GPM6A: variants seen among roughly 807,000 people sequenced by gnomAD.
The protein encoded by GPM6A is glycoprotein M6A, also known as neuronal membrane glycoprotein M6-a.
A neutral mutation model predicts 32.1 loss-of-function variants in GPM6A; 7 were observed. The ratio of observed to expected loss-of-function variants is 0.22; its 90% CI spans 0.12 to 0.41. GPM6A has a LOEUF of 0.41. Among genes scored for constraint, GPM6A ranks in the 10% least tolerant of loss-of-function variants. The probability of loss-of-function intolerance (pLI) is 1.00; values close to 1 mark genes in which losing one functional copy is unlikely to be tolerated. For synonymous variants in GPM6A, 130 were observed against 123.4 expected (o/e 1.05, Z -0.35); for missense variants, 235 against 347.2 (o/e 0.68, Z 2.57).
intron 1 of GPM6A, among the ~76,000 whole-genome samples, chr4:175,737,866 AG>A (rs1204126337): frequency 3.9e-5 from 6 of 151,978 alleles, no homozygotes; most frequent in African/African-American, 1.4e-4. Flanking sequence ...AATTACTTGG[AG>A]AGGGCACCAA....
rs151283064 is a variant in GPM6A, at chr4:175,777,153, G to T, written c.37+35038C>A. Among the ~76,000 whole-genome samples the T allele has an allele frequency of 3.4e-4, 52 of 152,228 alleles. No homozygotes were observed. The East Asian group carries it at 9.3e-3, about 27-fold the overall frequency. On this transcript the variant is annotated intron_variant, in intron 1 of 6. Coordinates refer to ENST00000393658, the MANE Select transcript of GPM6A (RefSeq NM_201591.3). ...TGAGGTATACTGTTGTTATGCAAACGTACATAGGCTTTGGAGGAGAATAAT... is the reference window on the plus strand; with the variant it reads ...TGAGGTATACTGTTGTTATGCAAACTTACATAGGCTTTGGAGGAGAATAAT...
In GPM6A at chr4:175,787,092, CT is replaced by C. The variant is rs955471560; in HGVS notation, c.37+25098del. Among the ~76,000 whole-genome samples the C allele has an allele frequency of 6.2e-3, 935 of 151,650 alleles. 12 individuals carry two copies. Among genetic ancestry groups the C allele is most frequent in the African/African-American group, 0.021 (877 of 41,324 alleles). ...TTGTTTTTCTATTTCTCCCTCTGTTCTTTTTTTTGTTGTTGTTTTTGTTTTT... is the reference window on the plus strand; with the variant it reads ...TTGTTTTTCTATTTCTCCCTCTGTTCTTTTTTTGTTGTTGTTTTTGTTTTT... On this transcript the variant is annotated intron_variant, in intron 1 of 6. Transcript: ENST00000393658.
At chr4:175,762,200 T>C (rs1198710264) in intron 1 of GPM6A, among the ~76,000 whole-genome samples, 1 of 152,206 alleles carries the variant, frequency 6.6e-6, no homozygotes, top group Non-Finnish European at 1.5e-5. Flanking sequence ...ACTTGACACT[T>C]AGTATGCATT....
intron 1 of GPM6A, among the ~76,000 whole-genome samples, chr4:175,867,103 T>C (rs1736763790): frequency 6.6e-6 from 1 of 152,210 alleles, no homozygotes; most frequent in African/African-American, 2.4e-5. Flanking sequence ...AACGGGGATT[T>C]TTAAATTTCT....
chr4:175,974,160 G>A (rs1192396214), intron 1 of GPM6A, among the ~76,000 whole-genome samples: 1 of 152,070 alleles, frequency 6.6e-6, no homozygotes, highest in African/African-American at 2.4e-5. Context: ...AACCTGTGAA[G>A]TGGAGGTTGC....
chr4:175,921,857 T>C (rs931903813), intron 1 of GPM6A, among the ~76,000 whole-genome samples: 17 of 152,196 alleles, frequency 1.1e-4, no homozygotes, highest in African/African-American at 4.1e-4. Flanking sequence ...CAAATTATAT[T>C]AGCCTTATAC....
At chr4:175,839,958 G>A (rs1049762125) in intron 1 of GPM6A, among the ~76,000 whole-genome samples, 9 of 152,142 alleles carry the variant, frequency 5.9e-5, no homozygotes, top group Admixed American at 2.6e-4. Flanking sequence ...TTCCTGAAGC[G>A]AGAGAGACCA....
chr4:175,668,495 C>T (rs192164935), intron 3 of GPM6A, among the ~76,000 whole-genome samples: 1 of 46,414 alleles, frequency 2.2e-5, no homozygotes, highest in African/African-American at 4.2e-5. Flanking sequence ...AATTCTATTC[C>T]CACAGTTTAG....
At chr4:175,927,539 T>C (rs962659673) in intron 1 of GPM6A, among the ~76,000 whole-genome samples, 2 of 152,242 alleles carry the variant, frequency 1.3e-5, no homozygotes, top group African/African-American at 4.8e-5. Flanking sequence ...CAAACTGTAC[T>C]GGATGCCTTG....
chr4:175,985,120 A>G (rs1740935708), intron 1 of GPM6A, among the ~76,000 whole-genome samples: 1 of 152,186 alleles, frequency 6.6e-6, no homozygotes, highest in Non-Finnish European at 1.5e-5. Flanking sequence ...ATCAGTTTGT[A>G]GATTCCATGA....
chr4:175,713,277 A>G (rs1050937734), intron 1 of GPM6A, among the ~76,000 whole-genome samples: 7 of 152,098 alleles, frequency 4.6e-5, no homozygotes, highest in Non-Finnish European at 8.8e-5. Context: ...ATCTTGGCTC[A>G]CTGCAACCTC....
chr4:175,932,925 T>C (rs979918303), intron 1 of GPM6A, among the ~76,000 whole-genome samples: 15 of 152,036 alleles, frequency 9.9e-5, no homozygotes, highest in African/African-American at 3.6e-4. Flanking sequence ...AGATGAGACC[T>C]ACATGAAATA....
intron 2 of GPM6A, among the ~76,000 whole-genome samples, chr4:175,699,837 AAAACAGAGCATTCTTGCTCTGTT>A (rs1360046696): frequency 6.6e-6 from 1 of 152,170 alleles, no homozygotes; most frequent in Non-Finnish European, 1.5e-5. Flanking sequence ...CCCACCCCCC[AAAACAGAGCATTCTTGCTCTGTT>A]ACCTGATAGA....
intron 1 of GPM6A, among the ~76,000 whole-genome samples, chr4:175,774,977 C>G: frequency 6.6e-6 from 1 of 151,870 alleles, no homozygotes; most frequent in Non-Finnish European, 1.5e-5. Flanking sequence ...AAATTTTGAC[C>G]AAAATATTAG....
At position 175,942,052 on chromosome 4, in the gene GPM6A, A is replaced by T. The variant is rs192821070; in HGVS notation, c.-23+60257T>A. Among the ~76,000 whole-genome samples the T allele has an allele frequency of 9.8e-5, 15 of 152,296 alleles. No individual in the cohort carries two copies. In the East Asian group the frequency reaches 2.7e-3, roughly 27 times the overall value. On this transcript the variant is annotated intron_variant, in intron 1 of 7. Coordinates refer to the GPM6A transcript ENST00000280187. Reference sequence around the variant, plus strand: ...CTTCTCCAGCATCTGTTGTTTCCTGACATTTTAATGATCACCATTCTAACT... The same window carrying T: ...CTTCTCCAGCATCTGTTGTTTCCTGTCATTTTAATGATCACCATTCTAACT...
chr4:175,986,741 C>T (rs1251594190), intron 1 of GPM6A, among the ~76,000 whole-genome samples: 4 of 152,114 alleles, frequency 2.6e-5, no homozygotes, highest in Admixed American at 2.6e-4. Context: ...CAGCAAATAG[C>T]CAACAGTGCA....
rs1472566727 is a variant in GPM6A at position 175,633,457 on chromosome 4, A to G, written c.*1448T>C. On this transcript the variant is annotated 3_prime_UTR_variant, in exon 7 of 7. Transcript: ENST00000393658. The stretch of plus-strand genomic sequence containing the variant: ...CATTGTACAAAGATTGTTTCACTCA[A>G]TAAATTTTTATTAGAAATGCAGTTA... 6.6e-6 allele frequency: 1 copy of G among 152,478 alleles called. No homozygotes were observed. Among genetic ancestry groups the G allele is most frequent in the Non-Finnish European group, 1.5e-5 (1 of 67,916 alleles). 9.4% of individuals were successfully genotyped at this position (152,478 alleles called of 1,614,324 possible). A position where few individuals can be genotyped will look rare whatever the true frequency, so the allele number is the denominator to read the frequency against.
At chr4:175,660,730 C>G (rs1212314341) in intron 3 of GPM6A, among the ~76,000 whole-genome samples, 1 of 152,146 alleles carries the variant, frequency 6.6e-6, no homozygotes. Flanking sequence ...CTTGCTTCTT[C>G]TTCCTCAAAT....
rs1741845063 is a variant in GPM6A at position 175,652,130 on chromosome 4, CA to C, written c.388-144del. On this transcript the variant is annotated intron_variant, in intron 3 of 6. Transcript: ENST00000393658. Reference sequence around the variant, plus strand: ...ATCACAACACTGTTGATTTGCAGCACAGAAGGTTGAGAAATAGTGCGCATAA... The same window carrying C: ...ATCACAACACTGTTGATTTGCAGCACGAAGGTTGAGAAATAGTGCGCATAA... 3 of 557,742 alleles carry C rather than the reference CA, an allele frequency of 5.4e-6. No homozygotes were observed. In the South Asian group the frequency reaches 7.8e-5, roughly 15 times the overall value. The allele number at this position is 557,742 out of a possible 1,614,324, so 34.5% of individuals were successfully genotyped here.
Sources: gnomAD v4.1 joint callset for allele counts (sites outside exome capture counted in the v4.1 genomes callset) on GRCh38, gnomAD v4.1.1 for gene constraint, MANE v1.5 for transcripts, NCBI Gene and HGNC (gene_info 2026-07-23, HGNC 2026-07-21) for gene names.